USP50: variants seen among roughly 807,000 people sequenced by gnomAD.
USP50 encodes ubiquitin carboxyl-terminal hydrolase 50.
A neutral mutation model predicts 39.2 loss-of-function variants in USP50; 37 were observed. The observed-to-expected ratio is 0.94, with a 90% confidence interval of 0.73 to 1.24. The LOEUF is 1.24. Among genes scored for constraint, USP50 ranks in the 50% most tolerant of loss-of-function variants. The pLI, the probability that USP50 is intolerant of heterozygous loss-of-function variation, is 0.00. For synonymous variants in USP50, 139 were observed against 144.5 expected, an observed-to-expected ratio of 0.96 and a Z score of 0.27; for missense variants, 374 against 398.2, an observed-to-expected ratio of 0.94 and a Z score of 0.52.
chr15:50,530,734 G>A (rs3098201), intron 5 of USP50, among the ~76,000 whole-genome samples: 2 of 152,026 alleles, frequency 1.3e-5, no homozygotes, highest in Admixed American at 1.3e-4. Context: ...AGATAGCAAA[G>A]ATTCAAGCTA....
chr15:50,519,496 C>T (rs1339289654), intron 6 of USP50, among the ~76,000 whole-genome samples: 3 of 152,050 alleles, frequency 2.0e-5, no homozygotes, highest in African/African-American at 7.2e-5. Flanking sequence ...GGGTGGATCA[C>T]GAGGTCAGCA....
intron 1 of USP50, 89 bp downstream of exon 1, chr15:50,546,384 C>T: frequency 2.1e-6 from 3 of 1,407,124 alleles, no homozygotes; most frequent in Non-Finnish European, 3.0e-6. Context: ...GAGAACCCTC[C>T]TGAATGCAGT....
chr15:50,536,616 G>A (rs1211634138), intron 5 of USP50, among the ~76,000 whole-genome samples: 1 of 151,822 alleles, frequency 6.6e-6, no homozygotes, highest in East Asian at 1.9e-4. Flanking sequence ...ATTCCAGCCT[G>A]GACAACAGAG....
downstream of USP50, among the ~76,000 whole-genome samples, chr15:50,496,672 G>A (rs933954335): frequency 6.6e-6 from 1 of 152,120 alleles, no homozygotes; most frequent in African/African-American, 2.4e-5. Context: ...AAAGTTGTCT[G>A]TTGACTAACT....
At chr15:50,493,887 C>G (rs900449921), downstream of USP50, 1 of 788,810 alleles carries the variant, frequency 1.3e-6, no homozygotes, top group Admixed American at 1.9e-5. Flanking sequence ...AAGAAGGAAG[C>G]TGAAGGGATG....
chr15:50,493,166 C>T (rs1033024656), downstream of USP50: 25 of 567,448 alleles, frequency 4.4e-5, no homozygotes, highest in Admixed American at 3.7e-4. Context: ...CTCGTCCTGT[C>T]GAGCCCTAAA....
chr15:50,495,120 A>C (rs539026829), intron 1 of USP50, among the ~76,000 whole-genome samples: 1 of 151,910 alleles, frequency 6.6e-6, no homozygotes, highest in African/African-American at 2.4e-5. Context: ...CTCCATTTAC[A>C]TACTACAACT....
chr15:50,541,291 A>G lies in USP50; in HGVS notation c.445-27T>C, dbSNP rs371927188. 7.6e-4 allele frequency: 1,202 copies of G among 1,580,404 alleles called. 1 individual carries two copies. Among genetic ancestry groups the G allele is most frequent in the Non-Finnish European group, 9.1e-4 (1,054 of 1,152,992 alleles). On this transcript the variant is annotated intron_variant, in intron 3 of 6. Transcript: ENST00000532404. ...TGAATCAAGGAGCAAATTTCACCCA[A>G]ATTAATTATTGGTTATTTAAAAAAG...
At chr15:50,517,247 G>T (rs1277950243) in intron 6 of USP50, among the ~76,000 whole-genome samples, 2 of 151,884 alleles carry the variant, frequency 1.3e-5, no homozygotes, top group Non-Finnish European at 2.9e-5. Flanking sequence ...GAGGCAGGTG[G>T]ATCACTTGAG....
chr15:50,507,800 G>A (rs974524087), intron 6 of USP50: 2 of 152,212 alleles, frequency 1.3e-5, no homozygotes, highest in Admixed American at 6.5e-5. Flanking sequence ...GCCAGGCACG[G>A]TGGCTCATGC....
intron 6 of USP50, among the ~76,000 whole-genome samples, chr15:50,521,950 C>T (rs764819187): frequency 5.9e-5 from 9 of 151,910 alleles, no homozygotes; most frequent in Non-Finnish European, 1.0e-4. Context: ...GGCAATAGAA[C>T]GAGACTCCAT....
chr15:50,537,910 G>GAAGGC (rs1566911093), intron 5 of USP50, among the ~76,000 whole-genome samples: 3 of 40,410 alleles, frequency 7.4e-5, no homozygotes, highest in Non-Finnish European at 1.2e-4. Context: ...GAAGGGGAGG[G>GAAGGC]AAGGGAAGGG....
At chr15:50,523,400 C>A (rs1040020816) in intron 6 of USP50, among the ~76,000 whole-genome samples, 9 of 151,174 alleles carry the variant, frequency 6.0e-5, no homozygotes, top group Non-Finnish European at 1.2e-4. Context: ...CTTGAACTCC[C>A]GGACTCAAGC....
At chr15:50,499,227 A>G (rs1464941572), downstream of USP50, 3 of 726,264 alleles carry the variant, frequency 4.1e-6, no homozygotes, top group East Asian at 8.7e-5. Flanking sequence ...CTAGCACTAT[A>G]TAATTCCGGT....
At position 50,536,875 on chromosome 15, in the gene USP50, C is replaced by G. The variant is rs76462024; in HGVS notation, c.803+1834G>C. On this transcript the variant is annotated intron_variant, in intron 5 of 6. Transcript: ENST00000532404. ...TTGTCAAGATGTCAGTTCTTCCCAA[C>G]TTGATCTGTAAATACAATGCAATCC... is the stretch of plus-strand genomic sequence containing the variant. Among the ~76,000 whole-genome samples the G allele has an allele frequency of 2.0e-5, 3 of 152,248 alleles. No homozygotes were observed. The South Asian group carries it at 6.2e-4, about 32-fold the overall frequency.
chr15:50,518,447 G>A (rs6493445), intron 6 of USP50, among the ~76,000 whole-genome samples: 3,762 of 151,534 alleles, frequency 0.025, 195 homozygotes, highest in African/African-American at 0.087. Flanking sequence ...TCCTGACCTC[G>A]TGATCCGCCC....
rs1351602021 is a variant in USP50, at chr15:50,509,128, G to A, written c.937-8291C>T. The A allele has an allele frequency of 8.4e-5, 4 of 47,338 alleles. No individual in the cohort carries two copies. The East Asian group carries it at 2.7e-3, about 32-fold the overall frequency. 2.9% of individuals were successfully genotyped at this position (47,338 alleles called of 1,614,324 possible). A position where few individuals can be genotyped will look rare whatever the true frequency, so the allele number is the denominator to read the frequency against. On this transcript the variant is annotated intron_variant, in intron 6 of 6. Transcript: ENST00000532404. ...AGCCTGGGCGACAGAGCGAGACTCC[G>A]TCACAAAAAAAAAAAAAAAAAAAAA...
chr15:50,525,252 C>T (rs964003630), intron 6 of USP50, among the ~76,000 whole-genome samples: 7 of 151,962 alleles, frequency 4.6e-5, no homozygotes, highest in Non-Finnish European at 5.9e-5. Flanking sequence ...TGGTGGTTAC[C>T]ACAGGCTGGG....
chr15:50,505,203 T>C (rs2052642435), intron 6 of USP50: 1 of 152,024 alleles, frequency 6.6e-6, no homozygotes. Flanking sequence ...TCTTCACATT[T>C]AGGAAATGCA....
Sources: allele counts gnomAD v4.1 joint callset (sites outside exome capture counted in the v4.1 genomes callset), GRCh38; gene constraint gnomAD v4.1.1; transcripts MANE v1.5; gene names NCBI Gene and HGNC (gene_info 2026-07-23, HGNC 2026-07-21).